Variants in PHLDB2 observed in about 807,000 individuals in gnomAD.
PHLDB2 encodes pleckstrin homology-like domain family B member 2.
PHLDB2 carries 71 observed loss-of-function variants against 123.6 expected under a neutral mutation model. The ratio of observed to expected loss-of-function variants is 0.57; its 90% CI spans 0.47 to 0.70. The LOEUF (loss-of-function observed/expected upper bound fraction) is 0.70, where lower values mean the gene tolerates loss of function less well. PHLDB2 is among the 30% of genes least tolerant of loss of function. The pLI, the probability that PHLDB2 is intolerant of heterozygous loss-of-function variation, is 0.00. For missense variants in PHLDB2, 1,446 were observed against 1,519.5 expected, an observed-to-expected ratio of 0.95 and a Z score of 0.80; for synonymous variants, 547 against 541.6, an observed-to-expected ratio of 1.01 and a Z score of -0.14.
chr3:111,839,783 A>G lies in PHLDB2; in HGVS notation c.-48-6038A>G, dbSNP rs151231943. Among the ~76,000 whole-genome samples the G allele has an allele frequency of 2.5e-4, 38 of 152,192 alleles. No individual in the cohort carries two copies. The East Asian group carries it at 7.0e-3, about 28-fold the overall frequency. On this transcript the variant is annotated intron_variant, in intron 1 of 17. Transcript: ENST00000393923. ...CTCTAGTATTTTCTGACTAAACATAACACCGGCTTTAGGACCGAGGTATAG... is the reference window on the plus strand; with the variant it reads ...CTCTAGTATTTTCTGACTAAACATAGCACCGGCTTTAGGACCGAGGTATAG...
At chr3:111,797,070 C>G (rs1265796660) in intron 1 of PHLDB2, among the ~76,000 whole-genome samples, 2 of 152,164 alleles carry the variant, frequency 1.3e-5, no homozygotes, top group African/African-American at 2.4e-5. Context: ...TCTGGTCATG[C>G]CTCATGTCTT....
At chr3:111,943,177 C>T (rs1323748181) in intron 8 of PHLDB2, among the ~76,000 whole-genome samples, 2 of 152,068 alleles carry the variant, frequency 1.3e-5, no homozygotes, top group Non-Finnish European at 2.9e-5. Context: ...GTGGTACTGC[C>T]ATACAAATAC....
intron 6 of PHLDB2, among the ~76,000 whole-genome samples, chr3:111,937,789 TA>T (rs543757980): frequency 1.2e-3 from 160 of 131,500 alleles, no homozygotes; most frequent in African/African-American, 1.3e-3. Context: ...AAAAAAAAAT[TA>T]AAAAAAAAAA....
chr3:111,870,905 A>C (rs936824611), intron 1 of PHLDB2, among the ~76,000 whole-genome samples: 1 of 152,242 alleles, frequency 6.6e-6, no homozygotes, highest in African/African-American at 2.4e-5. Context: ...ACTGTCTGCC[A>C]CAAAATGCGG....
intron 3 of PHLDB2, chr3:111,913,960 T>C: frequency 2.2e-6 from 1 of 462,394 alleles, no homozygotes; most frequent in Non-Finnish European, 3.8e-6. Context: ...CCCTTTCAGG[T>C]TGTACACCTG....
At chr3:111,758,854 A>C (rs1045101537) in intron 1 of PHLDB2, among the ~76,000 whole-genome samples, 1 of 152,196 alleles carries the variant, frequency 6.6e-6, no homozygotes, top group African/African-American at 2.4e-5. Flanking sequence ...GGGGTGAGTC[A>C]TCAACCACGA....
At chr3:111,962,410 C>A in intron 13 of PHLDB2, 98 bp downstream of exon 13, 1 of 1,089,250 alleles carries the variant, frequency 9.2e-7, no homozygotes, top group Non-Finnish European at 1.3e-6. Flanking sequence ...TGCACAAGCC[C>A]AAATTTTTGA....
At chr3:111,850,470 A>G (rs1186602277) in intron 2 of PHLDB2, among the ~76,000 whole-genome samples, 1 of 152,242 alleles carries the variant, frequency 6.6e-6, no homozygotes, top group Admixed American at 6.5e-5. Context: ...ATTTAAAAAG[A>G]AATTCTTGGT....
intron 2 of PHLDB2, among the ~76,000 whole-genome samples, chr3:111,906,683 C>T (rs1370249458): frequency 1.3e-5 from 2 of 152,170 alleles, no homozygotes; most frequent in Non-Finnish European, 2.9e-5. Context: ...GTACAGTTAT[C>T]TATTATTCTT....
intron 1 of PHLDB2, among the ~76,000 whole-genome samples, chr3:111,813,297 A>AAAAT (rs1000741636): frequency 2.6e-5 from 4 of 152,324 alleles, no homozygotes; most frequent in Admixed American, 6.5e-5. Flanking sequence ...TTTGTCCATT[A>AAAAT]AAATAAATAA....
chr3:111,752,219 A>AGTGTGT (rs57931243), intron 1 of PHLDB2, among the ~76,000 whole-genome samples: 19,153 of 146,316 alleles, frequency 0.13, 1,460 homozygotes, highest in African/African-American at 0.2. Flanking sequence ...GAAGTTTCTA[A>AGTGTGT]GTGTGTGTGT....
chr3:111,910,186 C>T (rs140251505), intron 2 of PHLDB2, among the ~76,000 whole-genome samples: 121 of 152,210 alleles, frequency 7.9e-4, no homozygotes, highest in Middle Eastern at 3.4e-3. Context: ...ATTTTCTTTA[C>T]GTATACTTTC....
intron 2 of PHLDB2, among the ~76,000 whole-genome samples, chr3:111,908,492 G>A (rs1467145426): frequency 6.6e-6 from 1 of 152,136 alleles, no homozygotes. Flanking sequence ...TCTGCTCCAC[G>A]TTTCCTGATG....
At chr3:111,940,049 G>A (rs561089156) in intron 7 of PHLDB2, among the ~76,000 whole-genome samples, 8 of 152,274 alleles carry the variant, frequency 5.3e-5, no homozygotes, top group African/African-American at 1.9e-4. Context: ...GATTACTACT[G>A]ACTCCACCCA....
At chr3:111,790,780 A>G (rs1221659001) in intron 1 of PHLDB2, among the ~76,000 whole-genome samples, 1 of 151,908 alleles carries the variant, frequency 6.6e-6, no homozygotes, top group Non-Finnish European at 1.5e-5. Flanking sequence ...CACTTTTAAA[A>G]CTTTTTTAAA....
At chr3:111,780,385 G>C (rs897098802) in intron 1 of PHLDB2, among the ~76,000 whole-genome samples, 2 of 46,550 alleles carry the variant, frequency 4.3e-5, no homozygotes, top group Non-Finnish European at 6.2e-5. Flanking sequence ...AGAAGAAGAA[G>C]AAGAAGAAGA....
chr3:111,830,663 G>C (rs2062912240), intron 1 of PHLDB2, among the ~76,000 whole-genome samples: 1 of 148,542 alleles, frequency 6.7e-6, no homozygotes, highest in Non-Finnish European at 1.5e-5. Context: ...CAAAAAATTA[G>C]CCGGGCGTAG....
intron 1 of PHLDB2, among the ~76,000 whole-genome samples, chr3:111,875,024 G>T (rs918416296): frequency 6.6e-6 from 1 of 152,248 alleles, no homozygotes; most frequent in Middle Eastern, 3.4e-3. Flanking sequence ...ATTTGATTTT[G>T]TAGTTTTTCA....
chr3:111,734,378 G>C (rs1400341561), intron 1 of PHLDB2, among the ~76,000 whole-genome samples: 1 of 152,124 alleles, frequency 6.6e-6, no homozygotes, highest in Non-Finnish European at 1.5e-5. Context: ...AGGAGTTCAA[G>C]ACCAGCCTGA....
Sources: allele counts gnomAD v4.1 joint callset (sites outside exome capture counted in the v4.1 genomes callset), GRCh38; gene constraint gnomAD v4.1.1; transcripts MANE v1.5; gene names NCBI Gene and HGNC (gene_info 2026-07-23, HGNC 2026-07-21).